TMEM232: variants seen among roughly 807,000 people sequenced by gnomAD.
TMEM232 encodes the protein transmembrane protein 232.
A neutral mutation model predicts 78.8 loss-of-function variants in TMEM232; 80 were observed. The observed-to-expected ratio is 1.01, with a 90% CI of 0.85 to 1.22. The LOEUF (loss-of-function observed/expected upper bound fraction) is 1.22. TMEM232 is among the 50% of genes most tolerant of loss of function. TMEM232 has a pLI of 0.00. For synonymous variants in TMEM232, 297 were observed against 254.3 expected (o/e 1.17, Z -1.60); for missense variants, 881 against 742.2 (o/e 1.19, Z -2.17).
chr5:110,449,691 CATTA>C (rs1760055613), intron 12 of TMEM232, among the ~76,000 whole-genome samples: 1 of 152,070 alleles, frequency 6.6e-6, no homozygotes, highest in African/African-American at 2.4e-5. Context: ...TTTCATTAGT[CATTA>C]ATTAAATTAA....
intron 12 of TMEM232, among the ~76,000 whole-genome samples, chr5:110,432,739 A>C (rs1580656957): frequency 6.6e-6 from 1 of 151,864 alleles, no homozygotes; most frequent in Admixed American, 6.6e-5. Flanking sequence ...TAAGAGACAA[A>C]CCCACCTCAC....
intron 2 of TMEM232, among the ~76,000 whole-genome samples, chr5:110,399,049 A>G (rs1158504357): frequency 1.3e-5 from 2 of 152,014 alleles, no homozygotes; most frequent in Non-Finnish European, 2.9e-5. Context: ...CCACTTATGT[A>G]CTTTTAATTA....
Position 110,627,776 on chromosome 5 carries a change from T to C in TMEM232, c.601+5A>G. 4 of 1,456,298 alleles carry C rather than the reference T, an allele frequency of 2.7e-6. No individual in the cohort carries two copies. Among genetic ancestry groups the C allele is most frequent in the Non-Finnish European group, 3.7e-6 (4 of 1,088,662 alleles). The allele number at this position is 1,456,298 out of a possible 1,614,324, so 90.2% of individuals were successfully genotyped here. ...TTATAAGTGTAAAAATAAAAGATAT[T>C]CTACCGTATAAATATGGTTGAAGCC... On this transcript the variant is annotated splice_donor_5th_base_variant and intron_variant, in intron 6 of 13. Coordinates refer to ENST00000455884, the MANE Select transcript of TMEM232 (RefSeq NM_001039763.4).
intron 1 of TMEM232, among the ~76,000 whole-genome samples, chr5:110,712,709 T>C (rs1315388076): frequency 1.3e-5 from 2 of 152,136 alleles, no homozygotes; most frequent in Non-Finnish European, 2.9e-5. Context: ...CTCGAGGAGA[T>C]ACAATGTCAC....
intron 3 of TMEM232, among the ~76,000 whole-genome samples, chr5:110,397,243 T>C (rs1272346583): frequency 6.6e-6 from 1 of 152,160 alleles, no homozygotes; most frequent in Non-Finnish European, 1.5e-5. Flanking sequence ...AGACTAGATA[T>C]ATGCCATCTG....
chr5:110,424,681 A>G (rs774219178), intron 13 of TMEM232, 142 bp downstream of exon 13: 31 of 669,480 alleles, frequency 4.6e-5, no homozygotes, highest in Non-Finnish European at 7.3e-5. Flanking sequence ...ATAGTGAGAT[A>G]TAATTCAGTT....
At chr5:110,574,366 C>A (rs4317370) in intron 10 of TMEM232, among the ~76,000 whole-genome samples, 59,848 of 151,926 alleles carry the variant, frequency 0.39, 16,204 homozygotes, top group African/African-American at 0.77. Flanking sequence ...TTGGACTTGG[C>A]AAAGGTACAC....
At chr5:110,424,685 T>C in intron 13 of TMEM232, 138 bp downstream of exon 13, 2 of 686,562 alleles carry the variant, frequency 2.9e-6, no homozygotes, top group Non-Finnish European at 4.8e-6. Context: ...TGAGATATAA[T>C]TCAGTTTGGC....
intron 12 of TMEM232, among the ~76,000 whole-genome samples, chr5:110,470,702 C>G (rs79156941): frequency 6.6e-6 from 1 of 152,158 alleles, no homozygotes; most frequent in East Asian, 1.9e-4. Context: ...CACACCCTTC[C>G]TAACCAGGAC....
intron 1 of TMEM232, among the ~76,000 whole-genome samples, chr5:110,711,054 A>C (rs1422884788): frequency 2.6e-5 from 4 of 152,228 alleles, no homozygotes; most frequent in Non-Finnish European, 2.9e-5. Flanking sequence ...ACTGACGAAC[A>C]AATTCAGTAA....
At chr5:110,587,894 TCA>T (rs1200057533) in intron 10 of TMEM232, among the ~76,000 whole-genome samples, 1 of 151,642 alleles carries the variant, frequency 6.6e-6, no homozygotes, top group Non-Finnish European at 1.5e-5. Flanking sequence ...TTTAGATGTG[TCA>T]GCACACAGAA....
chr5:110,640,096 G>A (rs1477952349), intron 4 of TMEM232, among the ~76,000 whole-genome samples: 1 of 152,198 alleles, frequency 6.6e-6, no homozygotes, highest in African/African-American at 2.4e-5. Flanking sequence ...AATTGTCAAT[G>A]AAGAGCAAAC....
chr5:110,431,824 T>A (rs1351088350), intron 12 of TMEM232, among the ~76,000 whole-genome samples: 3 of 151,370 alleles, frequency 2.0e-5, no homozygotes, highest in Non-Finnish European at 4.4e-5. Context: ...GAAACAGAAA[T>A]ATCTAGGCTG....
chr5:110,620,042 A>G (rs1473284691), intron 7 of TMEM232, among the ~76,000 whole-genome samples: 2 of 152,202 alleles, frequency 1.3e-5, no homozygotes. Context: ...AATTAGGTCA[A>G]CCATTCTTGC....
chr5:110,596,422 T>C (rs1780178385), intron 10 of TMEM232, among the ~76,000 whole-genome samples: 1 of 152,204 alleles, frequency 6.6e-6, no homozygotes, highest in Non-Finnish European at 1.5e-5. Flanking sequence ...CACAGCCGAA[T>C]TCTACCAGAG....
At position 110,585,212 on chromosome 5, in the gene TMEM232, A is replaced by G. The variant is rs545366779; in HGVS notation, c.1277-16587T>C. On this transcript the variant is annotated intron_variant, in intron 10 of 13. Coordinates refer to ENST00000455884, the MANE Select transcript of TMEM232 (RefSeq NM_001039763.4). ...ATCCCAACAAAAGGAACAGTTACCA[A>G]CCATACAAGGGAATAAACAGAATGG... is the stretch of plus-strand genomic sequence containing the variant. 7.8e-4 allele frequency among the ~76,000 whole-genome samples: 119 copies of G among 152,262 alleles called. 1 individual carries two copies. Among genetic ancestry groups the G allele is most frequent in the Admixed American group, 1.3e-3 (20 of 15,280 alleles).
At chr5:110,525,169 A>G (rs988242485) in intron 12 of TMEM232, among the ~76,000 whole-genome samples, 1 of 144,302 alleles carries the variant, frequency 6.9e-6, no homozygotes, top group African/African-American at 2.5e-5. Context: ...TAACAATAAG[A>G]AAAAAAAAAA....
intron 12 of TMEM232, among the ~76,000 whole-genome samples, chr5:110,504,629 C>G (rs780385611): frequency 9.2e-5 from 14 of 152,202 alleles, no homozygotes; most frequent in Non-Finnish European, 2.1e-4. Context: ...GAGTCTGTTT[C>G]AATTCGAGTC....
chr5:110,524,345 GAGAAAGAAAGAAAGAAAAAAAGAA>G (rs1385228567), intron 12 of TMEM232, among the ~76,000 whole-genome samples: 9 of 107,036 alleles, frequency 8.4e-5, no homozygotes, highest in African/African-American at 2.4e-4. Context: ...GAAAAAGAAA[GAGAAAGAAAGAAAGAAAAAAAGAA>G]AGAAAGAAAG....
Sources: allele counts gnomAD v4.1 joint callset (sites outside exome capture counted in the v4.1 genomes callset), GRCh38; gene constraint gnomAD v4.1.1; transcripts MANE v1.5; gene names NCBI Gene and HGNC (gene_info 2026-07-23, HGNC 2026-07-21).